Variants in SVOPL observed in about 807,000 individuals in gnomAD.
SVOPL encodes putative transporter SVOPL.
In SVOPL, 60 loss-of-function variants were observed where a neutral mutation model predicts 61.0. The observed-to-expected ratio is 0.98, with a 90% confidence interval of 0.80 to 1.22. The LOEUF (loss-of-function observed/expected upper bound fraction) is 1.22. SVOPL is among the 50% of genes most tolerant of loss of function. The pLI, the probability that SVOPL is intolerant of heterozygous loss-of-function variation, is 0.00. For missense variants in SVOPL, 662 were observed against 643.9 expected, an observed-to-expected ratio of 1.03 and a Z score of -0.30; for synonymous variants, 279 against 250.0, an observed-to-expected ratio of 1.12 and a Z score of -1.09.
At chr7:138,633,745 T>C (rs867714863) in intron 9 of SVOPL, among the ~76,000 whole-genome samples, 3 of 152,122 alleles carry the variant, frequency 2.0e-5, no homozygotes, top group African/African-American at 7.2e-5. Context: ...ATGATGAATA[T>C]GGGGAAGGTT....
At chr7:138,630,264 C>T (rs1453592952) in intron 9 of SVOPL, 142 bp from the exon 10 acceptor site, 6 of 658,442 alleles carry the variant, frequency 9.1e-6, no homozygotes, top group Non-Finnish European at 1.4e-5. Flanking sequence ...ATGAGTACAG[C>T]TGACACAAAC....
At chr7:138,637,471 TATAG>T (rs1452260069) in intron 9 of SVOPL, among the ~76,000 whole-genome samples, 7,763 of 31,424 alleles carry the variant, frequency 0.25, 594 homozygotes, top group East Asian at 0.5. Flanking sequence ...TATATATAGA[TATAG>T]ATATAGATAT....
chr7:138,597,764 G>C (rs1040857622), intron 14 of SVOPL, among the ~76,000 whole-genome samples: 2 of 151,932 alleles, frequency 1.3e-5, no homozygotes, highest in African/African-American at 4.8e-5. Flanking sequence ...CCATAATTAG[G>C]CATGTGTCTA....
chr7:138,599,592 T>C (rs771762581), intron 14 of SVOPL, among the ~76,000 whole-genome samples: 2 of 152,116 alleles, frequency 1.3e-5, no homozygotes, highest in Non-Finnish European at 2.9e-5. Context: ...AAATAAATTA[T>C]GAAAAAATCA....
At chr7:138,664,033 A>C (rs1402675099) in intron 4 of SVOPL, among the ~76,000 whole-genome samples, 2 of 152,092 alleles carry the variant, frequency 1.3e-5, no homozygotes, top group Non-Finnish European at 2.9e-5. Flanking sequence ...CCTGCACGCT[A>C]CACTTTCTAG....
intron 1 of SVOPL, among the ~76,000 whole-genome samples, chr7:138,697,960 A>C (rs900672330): frequency 6.6e-6 from 1 of 152,086 alleles, no homozygotes; most frequent in African/African-American, 2.4e-5. Flanking sequence ...TAAATTAACA[A>C]ACATGGAAAA....
intron 14 of SVOPL, among the ~76,000 whole-genome samples, chr7:138,617,900 G>A (rs965875263): frequency 2.0e-5 from 3 of 152,172 alleles, no homozygotes; most frequent in Non-Finnish European, 4.4e-5. Flanking sequence ...TCTGTGAGTG[G>A]AATCCAAGGA....
chr7:138,671,914 AG>A (rs769325392), intron 4 of SVOPL, 104 bp downstream of exon 4: 993,880 of 993,912 alleles, frequency 1, 496,926 homozygotes, highest in Middle Eastern at 1. Context: ...GGAAGCCAAC[AG>A]TGGCAGTGGT....
intron 8 of SVOPL, among the ~76,000 whole-genome samples, chr7:138,647,843 G>A (rs1249323120): frequency 3.3e-4 from 20 of 61,078 alleles, no homozygotes; most frequent in African/African-American, 1.3e-3. Flanking sequence ...GTAAGACTCC[G>A]TTTCAAAAAA....
intron 8 of SVOPL, among the ~76,000 whole-genome samples, chr7:138,647,005 C>T (rs116817492): frequency 6.1e-4 from 93 of 152,294 alleles, no homozygotes; most frequent in African/African-American, 2.2e-3. Context: ...CTGGGGCCAG[C>T]TGTCATGAGG....
At chr7:138,657,622 G>A (rs1292379128) in intron 6 of SVOPL, among the ~76,000 whole-genome samples, 1 of 152,150 alleles carries the variant, frequency 6.6e-6, no homozygotes, top group African/African-American at 2.4e-5. Flanking sequence ...CTCTGTTGCT[G>A]TTGTTAGCCA....
At chr7:138,680,000 C>G (rs183528140) in intron 1 of SVOPL, among the ~76,000 whole-genome samples, 2 of 152,042 alleles carry the variant, frequency 1.3e-5, no homozygotes, top group Non-Finnish European at 2.9e-5. Flanking sequence ...ACTCTGAGAC[C>G]GGTAACCAAC....
At chr7:138,601,363 T>C (rs906075634) in intron 14 of SVOPL, among the ~76,000 whole-genome samples, 2 of 151,394 alleles carry the variant, frequency 1.3e-5, no homozygotes, top group Non-Finnish European at 2.9e-5. Context: ...TGGAAACAAG[T>C]CAAGTGTCCA....
At chr7:138,677,384 G>A (rs1802592588) in intron 3 of SVOPL, among the ~76,000 whole-genome samples, 1 of 152,116 alleles carries the variant, frequency 6.6e-6, no homozygotes, top group Admixed American at 6.6e-5. Flanking sequence ...GGGGAGTCAT[G>A]CCCTACAAAC....
At chr7:138,612,405 T>TAAAAAAAAAAAAAAAAAAAAAAA (rs1158818070) in intron 14 of SVOPL, among the ~76,000 whole-genome samples, 1 of 9,320 alleles carries the variant, frequency 1.1e-4, no homozygotes. Flanking sequence ...AAAAATAAAT[T>TAAAAAAAAAAAAAAAAAAAAAAA]AAAAAAAAAA....
At chr7:138,666,856 C>T (rs1802276618) in intron 4 of SVOPL, among the ~76,000 whole-genome samples, 1 of 152,130 alleles carries the variant, frequency 6.6e-6, no homozygotes, top group Non-Finnish European at 1.5e-5. Flanking sequence ...CCCAAACCTG[C>T]CAAATATGTA....
chr7:138,681,173 TA>T (rs1185301631), intron 1 of SVOPL, among the ~76,000 whole-genome samples: 19 of 148,720 alleles, frequency 1.3e-4, no homozygotes, highest in African/African-American at 4.2e-4. Flanking sequence ...ATATAACATA[TA>T]ATATTAACAA....
intron 7 of SVOPL, among the ~76,000 whole-genome samples, chr7:138,655,648 ATATTATAC>A (rs1452542362): frequency 1.1e-4 from 1 of 8,852 alleles, no homozygotes; most frequent in East Asian, 1.3e-3. Context: ...TATTATATAT[ATATTATAC>A]TAATATATTT....
chr7:138,621,785 T>C (rs1289756253), intron 13 of SVOPL, among the ~76,000 whole-genome samples: 2 of 150,286 alleles, frequency 1.3e-5, no homozygotes, highest in African/African-American at 5.0e-5. Context: ...GCATATTCTA[T>C]CTATCTATCT....
Sources: gnomAD v4.1 joint callset for allele counts (sites outside exome capture counted in the v4.1 genomes callset) on GRCh38, gnomAD v4.1.1 for gene constraint, MANE v1.5 for transcripts, NCBI Gene and HGNC (gene_info 2026-07-23, HGNC 2026-07-21) for gene names.